UTP6: variants seen among roughly 807,000 people sequenced by gnomAD.
The protein encoded by UTP6 is UTP6 small subunit processome component.
UTP6 carries 60 observed loss-of-function variants against 96.5 expected under a neutral mutation model. The observed-to-expected ratio is 0.62, with a 90% CI of 0.51 to 0.77. UTP6 has a LOEUF of 0.77. Ranked by LOEUF, UTP6 falls within the 30% of genes least tolerant of loss-of-function variation. The pLI is 0.00. For synonymous variants in UTP6, 215 were observed against 240.1 expected, an observed-to-expected ratio of 0.90 and a Z score of 0.96; for missense variants, 637 against 706.5, an observed-to-expected ratio of 0.90 and a Z score of 1.12.
At chr17:31,895,922 T>C (rs1904609987) in intron 2 of UTP6, among the ~76,000 whole-genome samples, 1 of 151,546 alleles carries the variant, frequency 6.6e-6, no homozygotes, top group African/African-American at 2.4e-5. Context: ...TCCCAGCTAC[T>C]TGGGAGGCTG....
chr17:31,879,934 C>T (rs181666762), intron 11 of UTP6, among the ~76,000 whole-genome samples: 4 of 151,992 alleles, frequency 2.6e-5, no homozygotes, highest in Admixed American at 2.0e-4. Flanking sequence ...GGTGAAACTC[C>T]GTCTGTACTA....
In UTP6 at chr17:31,872,606, G is replaced by T. The variant is rs1440296274; in HGVS notation, c.1496+772C>A. The stretch of plus-strand genomic sequence containing the variant: ...TGGGCGGACTGCTTGAGCCCAGAAG[G>T]TCAAGGCTTCGGTGAACCATGATTG... On this transcript the variant is annotated intron_variant, in intron 16 of 18. Coordinates refer to ENST00000261708, the MANE Select transcript of UTP6 (RefSeq NM_018428.3). Among the ~76,000 whole-genome samples the T allele has an allele frequency of 2.0e-5, 3 of 151,532 alleles. No individual in the cohort carries two copies. In the East Asian group the frequency reaches 5.9e-4, roughly 30 times the overall value.
chr17:31,880,512 TAA>T (rs1240560391), intron 11 of UTP6, 59 bp downstream of exon 11: 3 of 1,606,668 alleles, frequency 1.9e-6, no homozygotes, highest in Non-Finnish European at 2.6e-6. Context: ...AACAGGAGCT[TAA>T]GTTTCACAAT....
chr17:31,865,493 C>T, intron 17 of UTP6, 55 bp from the exon 18 acceptor site: 1 of 1,531,452 alleles, frequency 6.5e-7, no homozygotes. Flanking sequence ...ATAACAAATT[C>T]ATTCCAACCA....
At chr17:31,878,940 A>T (rs985655655) in intron 11 of UTP6, among the ~76,000 whole-genome samples, 159 bp from the exon 12 acceptor site, 1 of 152,216 alleles carries the variant, frequency 6.6e-6, no homozygotes, top group African/African-American at 2.4e-5. Context: ...TGATTTTAAG[A>T]AGTGTTATGC....
chr17:31,901,165 C>T (rs1347672465), intron 1 of UTP6: 1 of 199,638 alleles, frequency 5.0e-6, no homozygotes, highest in South Asian at 9.0e-5. Context: ...GTTCCCATCC[C>T]TACAGCAGTA....
chr17:31,878,262 T>C lies in UTP6; in HGVS notation c.1113A>G (p.Gln371=), dbSNP rs376977101. ...TCTATGTTCTTACCAACTGCTTGTATTGGCATTCTGACAGAAGCTTCAGTT... is the reference window on the plus strand; with the variant it reads ...TCTATGTTCTTACCAACTGCTTGTACTGGCATTCTGACAGAAGCTTCAGTT... ...AHELKLLSEC[Q]YKQLSVSLLC... Residue 371 remains glutamine (Q), a synonymous_variant, in exon 13 of 19, where the codon CAA becomes CAG. Coordinates refer to ENST00000261708, the MANE Select transcript of UTP6 (RefSeq NM_018428.3). 16 of 1,614,066 alleles carry C rather than the reference T, an allele frequency of 9.9e-6. No homozygotes were observed. The highest frequency in any genetic ancestry group is 3.3e-5 in the Admixed American group (2 of 59,986).
intron 16 of UTP6, among the ~76,000 whole-genome samples, chr17:31,871,182 C>CG (rs915026493): frequency 2.2e-4 from 34 of 151,586 alleles, no homozygotes; most frequent in African/African-American, 8.0e-4. Flanking sequence ...TTAGTAGAGA[C>CG]GGGGTTTCAT....
chr17:31,891,793 C>T (rs1417363902), intron 6 of UTP6, among the ~76,000 whole-genome samples: 1 of 152,150 alleles, frequency 6.6e-6, no homozygotes, highest in Non-Finnish European at 1.5e-5. Flanking sequence ...AAGGCCAAGG[C>T]GGGTGGATCA....
chr17:31,875,290 T>C lies in UTP6; in HGVS notation c.1249A>G (p.Lys417Glu), dbSNP rs1438471044. 3 of 1,614,144 alleles carry C rather than the reference T, an allele frequency of 1.9e-6. No individual in the cohort carries two copies. The highest frequency in any genetic ancestry group is 2.5e-6 in the Non-Finnish European group (3 of 1,180,022). The change falls in exon 14 of 19, where the codon AAG (lysine) becomes GAG (glutamate). Residue 417 changes from lysine to glutamate, a missense_variant. Transcript: ENST00000261708. The stretch of plus-strand genomic sequence containing the variant: ...AAAAGCATGGCTATGTCAGGGCTCT[T>C]TGACTCGATCAGCACCTGCAGCTTC... ...QLKLQVLIES[K>E]SPDIAMLFEE...
intron 2 of UTP6, among the ~76,000 whole-genome samples, chr17:31,898,630 G>A (rs1473018164): frequency 6.6e-6 from 1 of 152,172 alleles, no homozygotes; most frequent in Non-Finnish European, 1.5e-5. Flanking sequence ...CCCAGGAGGC[G>A]GAGGTTGCGG....
At chr17:31,884,363 T>G in intron 10 of UTP6, 61 bp downstream of exon 10, 1 of 1,366,556 alleles carries the variant, frequency 7.3e-7, no homozygotes, top group Non-Finnish European at 1.0e-6. Context: ...ATATCCAACC[T>G]CAAACCCTTA....
rs769474059 is a variant in UTP6, at chr17:31,873,692, T to C, written c.1367A>G (p.Asp456Gly). The change falls in exon 15 of 19, where the codon GAC becomes GGC. Residue 456 changes from aspartate (D) to glycine (G), a missense_variant. Asp to Gly is a moderately conservative substitution (Grantham distance 94). Transcript: ENST00000261708. ...EWSEGAKSQE[D>G]TEAVFKKALL... ...CTATACCTTAAAGACTGCCTCAGTG[T>C]CTTCTTGGCTTTTGGCACCTTCACT... 6.2e-7 allele frequency: 1 copy of C among 1,613,362 alleles called. No individual in the cohort carries two copies. Among genetic ancestry groups the C allele is most frequent in the Admixed American group, 1.7e-5 (1 of 59,630 alleles).
intron 11 of UTP6, among the ~76,000 whole-genome samples, chr17:31,879,739 C>T (rs1910713930): frequency 6.6e-6 from 1 of 151,968 alleles, no homozygotes; most frequent in African/African-American, 2.4e-5. Flanking sequence ...TAAGCTTCCC[C>T]CAAAATAGAT....
chr17:31,868,111 A>G lies in UTP6; in HGVS notation c.1498T>C (p.Leu500=). 1 of 1,612,302 alleles carries G rather than the reference A, an allele frequency of 6.2e-7. No individual in the cohort carries two copies. The highest frequency in any genetic ancestry group is 1.7e-4 in the Middle Eastern group (1 of 6,052). Reference sequence around the variant, plus strand: ...ACTGAAAATGGTCGGCTCTCCTGTAAACTAAAAAGGAAGGAGAAAACGTTA... The same window carrying G: ...ACTGAAAATGGTCGGCTCTCCTGTAGACTAAAAAGGAAGGAGAAAACGTTA... ...YKKARAVFKS[L]QESRPFSVDF... is the part of the protein sequence containing the mutation. Residue 500 remains leucine, a splice_region_variant and synonymous_variant, in exon 17 of 19, where the codon TTA becomes CTA. Coordinates refer to ENST00000261708, the MANE Select transcript of UTP6 (RefSeq NM_018428.3).
chr17:31,873,237 G>GAGCA lies in UTP6; in HGVS notation c.1496+137_1496+140dup, dbSNP rs200289151. Reference sequence around the variant, plus strand: ...CCACTGCACTCCAGCCTGGGCAACAGAGCAAGACTCCATCTTAAAAAAAAA... The same window carrying GAGCA: ...CCACTGCACTCCAGCCTGGGCAACAGAGCAAGCAAGACTCCATCTTAAAAAAAAA... On this transcript the variant is annotated intron_variant, in intron 16 of 18. Coordinates refer to ENST00000261708, the MANE Select transcript of UTP6 (RefSeq NM_018428.3). 2,780 of 737,184 alleles carry GAGCA rather than the reference G, an allele frequency of 3.8e-3. 54 individuals carry two copies. In the African/African-American group the frequency reaches 0.042, roughly 11 times the overall value. 45.7% of individuals were successfully genotyped at this position (737,184 alleles called of 1,614,324 possible). A position where few individuals can be genotyped will look rare whatever the true frequency, so the allele number is the denominator to read the frequency against.
At chr17:31,863,583 A>G in intron 18 of UTP6, 67 bp from the exon 19 acceptor site, 2 of 1,380,974 alleles carry the variant, frequency 1.4e-6, no homozygotes, top group Non-Finnish European at 2.0e-6. Flanking sequence ...ATTAAATATC[A>G]ATTCAACTCA....
intron 13 of UTP6, among the ~76,000 whole-genome samples, chr17:31,876,998 C>T (rs935332612): frequency 6.6e-6 from 1 of 152,076 alleles, no homozygotes; most frequent in Non-Finnish European, 1.5e-5. Flanking sequence ...GGTGACAGAG[C>T]AAGACTCTGT....
chr17:31,875,431 T>A lies in UTP6; in HGVS notation c.1126-18A>T. 6.2e-7 allele frequency: 1 copy of A among 1,604,092 alleles called. No individual in the cohort carries two copies. The highest frequency in any genetic ancestry group is 8.5e-7 in the Non-Finnish European group (1 of 1,173,650). On this transcript the variant is annotated intron_variant, in intron 13 of 18. Transcript: ENST00000261708. Reference sequence around the variant, plus strand: ...GAAACACTCTAGACAAGATGAAGGATGACTGGAAAATTAATTACTGAAACC... The same window carrying A: ...GAAACACTCTAGACAAGATGAAGGAAGACTGGAAAATTAATTACTGAAACC...
Sources: allele counts gnomAD v4.1 joint callset (sites outside exome capture counted in the v4.1 genomes callset), GRCh38; gene constraint gnomAD v4.1.1; transcripts MANE v1.5; gene names NCBI Gene and HGNC (gene_info 2026-07-23, HGNC 2026-07-21).